Variants in AGO3 observed in about 807,000 individuals in gnomAD.
AGO3 encodes argonaute RISC catalytic component 3, also known as protein argonaute-3.
Under a neutral mutation model 105.5 loss-of-function variants are expected in AGO3, and 16 were observed. The ratio of observed to expected loss-of-function variants is 0.15; its 90% CI spans 0.10 to 0.23. AGO3 has a LOEUF of 0.23. Ranked by LOEUF, AGO3 falls within the 10% of genes least tolerant of loss-of-function variation. AGO3 has a pLI of 1.00. For missense variants in AGO3, 534 were observed against 1,088.0 expected, an observed-to-expected ratio of 0.49 and a Z score of 7.16; for synonymous variants, 340 against 367.3, an observed-to-expected ratio of 0.93 and a Z score of 0.85.
intron 5 of AGO3, among the ~76,000 whole-genome samples, chr1:36,003,583 A>G (rs1340098093): frequency 6.6e-6 from 1 of 151,048 alleles, no homozygotes; most frequent in Admixed American, 6.6e-5. Context: ...AGTCCCAGCT[A>G]CTTGAGAGGC....
intron 2 of AGO3, among the ~76,000 whole-genome samples, chr1:35,947,451 GT>G (rs1198774117): frequency 6.6e-6 from 1 of 152,070 alleles, no homozygotes; most frequent in Non-Finnish European, 1.5e-5. Context: ...TTCCATTGTG[GT>G]GTTTTTAGTG....
In AGO3 at chr1:36,065,614, A is replaced by G. The variant is rs1449843592; in HGVS notation, c.*9869A>G. On this transcript the variant is annotated 3_prime_UTR_variant, in exon 19 of 19. Coordinates refer to ENST00000373191, the MANE Select transcript of AGO3 (RefSeq NM_024852.4). ...AGAGCAAGACTCCATCTCAAAACAA[A>G]CATACAAACAAAAAAAGGTGCCTCT... 6.6e-6 allele frequency: 1 copy of G among 152,226 alleles called. No homozygotes were observed. Among genetic ancestry groups the G allele is most frequent in the Non-Finnish European group, 1.5e-5 (1 of 68,136 alleles). 9.4% of individuals were successfully genotyped at this position (152,226 alleles called of 1,614,324 possible).
chr1:36,029,348 A>G (rs1212476104), intron 12 of AGO3, among the ~76,000 whole-genome samples: 1 of 150,486 alleles, frequency 6.6e-6, no homozygotes, highest in Non-Finnish European at 1.5e-5. Context: ...AAATTGTCAG[A>G]TTTGACTGAG....
chr1:36,059,990 T>C lies in AGO3; in HGVS notation c.*4245T>C, dbSNP rs1293698742. 6.6e-6 allele frequency: 1 copy of C among 152,238 alleles called. No homozygotes were observed. The highest frequency in any genetic ancestry group is 2.4e-5 in the African/African-American group (1 of 41,466). 9.4% of individuals were successfully genotyped at this position (152,238 alleles called of 1,614,324 possible). A position where few individuals can be genotyped will look rare whatever the true frequency, so the allele number is the denominator to read the frequency against. ...ATTAGATTCCCTTTCTTTTTCTTAA[T>C]AGTGATCTTCTAACAAGTTTCTTGG... On this transcript the variant is annotated 3_prime_UTR_variant, in exon 19 of 19. Coordinates refer to ENST00000373191, the MANE Select transcript of AGO3 (RefSeq NM_024852.4).
chr1:36,011,009 G>A (rs902200633), intron 9 of AGO3, among the ~76,000 whole-genome samples: 13 of 152,084 alleles, frequency 8.5e-5, no homozygotes, highest in African/African-American at 2.2e-4. Context: ...CTTTAACCAC[G>A]TAAGGTCTCT....
chr1:36,003,592 G>T (rs1569726927), intron 5 of AGO3, among the ~76,000 whole-genome samples: 1 of 150,962 alleles, frequency 6.6e-6, no homozygotes, highest in South Asian at 2.1e-4. Context: ...TACTTGAGAG[G>T]CTGAGGCAGG....
rs754209541 is a variant in AGO3 at position 36,059,583 on chromosome 1, G to A, written c.*3838G>A. 1 of 151,032 alleles carries A rather than the reference G, an allele frequency of 6.6e-6. No homozygotes were observed. The highest frequency in any genetic ancestry group is 1.5e-5 in the Non-Finnish European group (1 of 67,880). 9.4% of individuals were successfully genotyped at this position (151,032 alleles called of 1,614,324 possible). ...ATAATTGATTTTCATATGAAGAAGA[G>A]TTGGGAGTTTAATGTATATTCTTGA... On this transcript the variant is annotated 3_prime_UTR_variant, in exon 19 of 19. Transcript: ENST00000373191.
chr1:36,024,672 T>G (rs1641413656), intron 11 of AGO3, among the ~76,000 whole-genome samples: 1 of 152,160 alleles, frequency 6.6e-6, no homozygotes, highest in South Asian at 2.1e-4. Flanking sequence ...ACATTCAAAA[T>G]TAGTATGACA....
chr1:36,011,677 A>G (rs1416756699), intron 9 of AGO3, among the ~76,000 whole-genome samples: 6 of 152,178 alleles, frequency 3.9e-5, no homozygotes, highest in Admixed American at 2.0e-4. Flanking sequence ...TACTGTTACT[A>G]TTATTATATT....
chr1:36,013,561 G>C, intron 9 of AGO3, 69 bp from the exon 10 acceptor site: 2 of 1,588,564 alleles, frequency 1.3e-6, no homozygotes, highest in Non-Finnish European at 1.7e-6. Flanking sequence ...AAAAAAGAGG[G>C]TTCTAATGCA....
At chr1:35,996,736 A>C (rs1355734409) in intron 5 of AGO3, among the ~76,000 whole-genome samples, 6 of 149,548 alleles carry the variant, frequency 4.0e-5, no homozygotes, top group Non-Finnish European at 8.9e-5. Context: ...GCACCGTTGC[A>C]CTCCAGCCTG....
At position 36,069,047 on chromosome 1, in the gene AGO3, A is replaced by G. The variant is rs1569983200; in HGVS notation, c.*13302A>G. 1 of 152,184 alleles carries G rather than the reference A, an allele frequency of 6.6e-6. No individual in the cohort carries two copies. Among genetic ancestry groups the G allele is most frequent in the East Asian group, 1.9e-4 (1 of 5,194 alleles). 9.4% of individuals were successfully genotyped at this position (152,184 alleles called of 1,614,324 possible). A position where few individuals can be genotyped will look rare whatever the true frequency, so the allele number is the denominator to read the frequency against. ...CAATTCGTTTAATCTCTGTGTGCCT[A>G]GTTTCCCCTTGTAAATAAGAGTGGT... On this transcript the variant is annotated 3_prime_UTR_variant, in exon 19 of 19. Coordinates refer to ENST00000373191, the MANE Select transcript of AGO3 (RefSeq NM_024852.4).
Position 36,058,295 on chromosome 1 carries a change from C to A in AGO3, c.*2550C>A, listed in dbSNP as rs545706360. 3 of 151,978 alleles carry A rather than the reference C, an allele frequency of 2.0e-5. No homozygotes were observed. The highest frequency in any genetic ancestry group is 1.3e-4 in the Admixed American group (2 of 15,264). 9.4% of individuals were successfully genotyped at this position (151,978 alleles called of 1,614,324 possible). ...TTTTAAATCAGTTAAATCACTGAAA[C>A]GTGGGAAATTGTTTTACAAAACTTT... On this transcript the variant is annotated 3_prime_UTR_variant, in exon 19 of 19. Transcript: ENST00000373191.
intron 1 of AGO3, 76 bp from the exon 2 acceptor site, chr1:35,945,616 T>A: frequency 6.9e-7 from 1 of 1,448,748 alleles, no homozygotes; most frequent in East Asian, 2.3e-5. Context: ...CTTATAATTC[T>A]AATATACTCT....
intron 11 of AGO3, among the ~76,000 whole-genome samples, chr1:36,018,530 T>C (rs1389644072): frequency 6.6e-6 from 1 of 151,876 alleles, no homozygotes; most frequent in African/African-American, 2.4e-5. Context: ...TCTCCCGGGT[T>C]CAAGCAATTC....
At position 36,060,840 on chromosome 1, in the gene AGO3, A is replaced by C. The variant is rs1016910762; in HGVS notation, c.*5095A>C. ...ATTCATTATTTTCATTCTTTTTGAG[A>C]ATTCATAAATGTCTTAAAGCTTCAG... On this transcript the variant is annotated 3_prime_UTR_variant, in exon 19 of 19. Coordinates refer to ENST00000373191, the MANE Select transcript of AGO3 (RefSeq NM_024852.4). The C allele has an allele frequency of 1.3e-5, 2 of 152,136 alleles. No homozygotes were observed. The highest frequency in any genetic ancestry group is 2.4e-5 in the African/African-American group (1 of 41,414). The allele number at this position is 152,136 out of a possible 1,614,324, so 9.4% of individuals were successfully genotyped here. A position where few individuals can be genotyped will look rare whatever the true frequency, so the allele number is the denominator to read the frequency against.
At chr1:35,967,779 T>G (rs1251749012) in intron 3 of AGO3, among the ~76,000 whole-genome samples, 1 of 152,166 alleles carries the variant, frequency 6.6e-6, no homozygotes, top group African/African-American at 2.4e-5. Context: ...AGTTATCAAG[T>G]TCATTAAATT....
intron 5 of AGO3, among the ~76,000 whole-genome samples, chr1:35,997,194 G>A (rs910556275): frequency 1.3e-5 from 2 of 151,984 alleles, no homozygotes; most frequent in South Asian, 2.1e-4. Flanking sequence ...TGGGAGAATC[G>A]CTGGAACCTG....
chr1:36,044,776 T>C (rs988808915), intron 17 of AGO3, among the ~76,000 whole-genome samples: 1 of 152,172 alleles, frequency 6.6e-6, no homozygotes, highest in Non-Finnish European at 1.5e-5. Context: ...AAAGTTTTTC[T>C]TATTCTTTCC....
Sources: gnomAD v4.1 joint callset for allele counts (sites outside exome capture counted in the v4.1 genomes callset) on GRCh38, gnomAD v4.1.1 for gene constraint, MANE v1.5 for transcripts, NCBI Gene and HGNC (gene_info 2026-07-23, HGNC 2026-07-21) for gene names.